PLXNA2: variants seen among roughly 807,000 people sequenced by gnomAD.
PLXNA2 encodes the protein plexin-A2.
In PLXNA2, 91 loss-of-function variants were observed where a neutral mutation model predicts 193.5. The ratio of observed to expected loss-of-function variants is 0.47; its 90% CI spans 0.40 to 0.56. The LOEUF is 0.56. PLXNA2 is among the 20% of genes least tolerant of loss of function. The pLI, the probability that PLXNA2 is intolerant of heterozygous loss-of-function variation, is 0.00. For synonymous variants in PLXNA2, 997 were observed against 1,027.3 expected (o/e 0.97, Z 0.56); for missense variants, 1,995 against 2,503.2 (o/e 0.80, Z 4.33).
chr1:208,175,551 T>C (rs773463891), intron 3 of PLXNA2, among the ~76,000 whole-genome samples: 2 of 122,932 alleles, frequency 1.6e-5, no homozygotes, highest in Non-Finnish European at 3.4e-5. Context: ...TCTCTTAGGG[T>C]AAAGGAGACC....
At chr1:208,141,096 G>C (rs1668444234) in intron 4 of PLXNA2, among the ~76,000 whole-genome samples, 1 of 152,332 alleles carries the variant, frequency 6.6e-6, no homozygotes, top group East Asian at 1.9e-4. Flanking sequence ...CATGAAAGAA[G>C]GTGAAAAAGA....
At chr1:208,189,645 G>A (rs908873284) in intron 3 of PLXNA2, among the ~76,000 whole-genome samples, 4 of 152,134 alleles carry the variant, frequency 2.6e-5, no homozygotes, top group Admixed American at 2.6e-4. Context: ...TTGGAGCAAC[G>A]CTGCAAGGTA....
At chr1:208,103,646 C>T (rs1294965700) in intron 4 of PLXNA2, among the ~76,000 whole-genome samples, 1 of 152,216 alleles carries the variant, frequency 6.6e-6, no homozygotes, top group East Asian at 1.9e-4. Flanking sequence ...GACATCCTGC[C>T]TACACAGAAA....
intron 4 of PLXNA2, among the ~76,000 whole-genome samples, chr1:208,141,567 A>G (rs1450213846): frequency 2.6e-5 from 4 of 152,136 alleles, no homozygotes; most frequent in African/African-American, 4.8e-5. Flanking sequence ...GCTGCTGAAC[A>G]ACTATTAACC....
intron 10 of PLXNA2, among the ~76,000 whole-genome samples, chr1:208,083,514 C>T (rs1186841304): frequency 3.3e-5 from 5 of 151,884 alleles, no homozygotes; most frequent in African/African-American, 4.8e-5. Context: ...TTGCGCTTGG[C>T]GGCCTTCCAC....
chr1:208,103,638 C>T (rs1209206689), intron 4 of PLXNA2, among the ~76,000 whole-genome samples: 1 of 152,202 alleles, frequency 6.6e-6, no homozygotes, highest in Non-Finnish European at 1.5e-5. Context: ...TGGGCTGAGA[C>T]ATCCTGCCTA....
intron 6 of PLXNA2, 85 bp downstream of exon 6, chr1:208,098,761 T>C (rs1666998261): frequency 2.7e-6 from 4 of 1,466,038 alleles, no homozygotes; most frequent in Non-Finnish European, 3.7e-6. Flanking sequence ...AATTTACAGA[T>C]ACTTGTGCAA....
chr1:208,084,500 A>T lies in PLXNA2; in HGVS notation c.2178T>A (p.Asn726Lys). ...EVKPITLKAR[N>K]LPQPQSGQRG... ...GCTGGCCGGACTGCGGCTGGGGCAGATTTCGCGCCTTAAGGGTGATTGGCT... is the reference window on the plus strand; with the variant it reads ...GCTGGCCGGACTGCGGCTGGGGCAGTTTTCGCGCCTTAAGGGTGATTGGCT... Residue 726 changes from asparagine to lysine, a missense_variant, in exon 10 of 32, where the codon AAT becomes AAA. Around this residue, in one of 3 missense-constraint regions of PLXNA2, gnomAD observed 1,291 missense variants for 1,673.6 expected, o/e 0.77. Transcript: ENST00000367033. The T allele has an allele frequency of 6.2e-7, 1 of 1,614,208 alleles. No homozygotes were observed. Among genetic ancestry groups the T allele is most frequent in the Non-Finnish European group, 8.5e-7 (1 of 1,180,020 alleles).
At position 208,096,791 on chromosome 1, in the gene PLXNA2, C is replaced by T. The variant is rs774408932; in HGVS notation, c.1824G>A (p.Gly608=). 42 of 1,613,956 alleles carry T rather than the reference C, an allele frequency of 2.6e-5. No homozygotes were observed. Among genetic ancestry groups the T allele is most frequent in the Non-Finnish European group, 2.2e-5 (26 of 1,180,014 alleles). The change falls in exon 7 of 32, where the codon GGG becomes GGA. Residue 608 remains glycine (G), a synonymous_variant. Transcript: ENST00000367033. ...NLTEVEGQVS[G]SQVICISPGP... ...CAGGTGAGATGCAGATGACCTGGCT[C>T]CCGGACACCTGCCCCTCCACCTCTG... is the stretch of plus-strand genomic sequence containing the variant.
chr1:208,198,710 C>T (rs1395742226), intron 3 of PLXNA2, among the ~76,000 whole-genome samples: 5 of 152,210 alleles, frequency 3.3e-5, no homozygotes, highest in African/African-American at 9.6e-5. Flanking sequence ...CCTCTTCTCT[C>T]GTGCATCTTC....
chr1:208,044,859 C>T lies in PLXNA2; in HGVS notation c.3640-117G>A. The stretch of plus-strand genomic sequence containing the variant: ...GACAGACCACAACCACACAGTGCAG[C>T]TCTAGATAAAAAGCAATTTCCTGCC... On this transcript the variant is annotated intron_variant, in intron 19 of 31. Coordinates refer to ENST00000367033, the MANE Select transcript of PLXNA2 (RefSeq NM_025179.4). This position sits in a 1 kb window ranked among gnomAD's most constrained non-coding sequence, Gnocchi z 4.9. 1.0e-6 allele frequency: 1 copy of T among 995,912 alleles called. No homozygotes were observed. The highest frequency in any genetic ancestry group is 2.6e-5 in the East Asian group (1 of 38,590). 61.7% of individuals were successfully genotyped at this position (995,912 alleles called of 1,614,324 possible). A position where few individuals can be genotyped will look rare whatever the true frequency, so the allele number is the denominator to read the frequency against.
In PLXNA2 at chr1:208,096,865, C is replaced by A; in HGVS notation, c.1750G>T (p.Asp584Tyr). ...ATACCCGCAGATAGATCAGGAGCAT[C>A]ACTCACTACCAGGCTAAGCTGTGGG... ...HSRLLSLVVS[D>Y]APDLSAGIAC... The change falls in exon 7 of 32, where the codon GAT becomes TAT. Residue 584 changes from aspartate (D) to tyrosine (Y), a missense_variant. By Grantham distance (160) the Asp-to-Tyr change is radical. Transcript: ENST00000367033. 3.7e-6 allele frequency: 6 copies of A among 1,613,826 alleles called. No homozygotes were observed. Among genetic ancestry groups the A allele is most frequent in the Non-Finnish European group, 5.1e-6 (6 of 1,179,978 alleles).
intron 3 of PLXNA2, among the ~76,000 whole-genome samples, chr1:208,200,765 A>T (rs566337014): frequency 1.4e-5 from 2 of 145,060 alleles, no homozygotes; most frequent in South Asian, 2.2e-4. Flanking sequence ...GGCCCAGCTA[A>T]TTTTTTTTTT....
At chr1:208,238,563 A>G (rs1671941210) in intron 1 of PLXNA2, among the ~76,000 whole-genome samples, 1 of 152,166 alleles carries the variant, frequency 6.6e-6, no homozygotes, top group African/African-American at 2.4e-5. Flanking sequence ...GGCAGTTATT[A>G]TCTCCTTAGA....
At chr1:208,199,374 G>T (rs916277458) in intron 3 of PLXNA2, among the ~76,000 whole-genome samples, 16 of 152,174 alleles carry the variant, frequency 1.1e-4, no homozygotes, top group Non-Finnish European at 1.5e-5. Context: ...AGAGGCCGAG[G>T]TCAGTCTGAT....
At chr1:208,219,988 A>G (rs1671270380) in intron 1 of PLXNA2, among the ~76,000 whole-genome samples, 1 of 152,238 alleles carries the variant, frequency 6.6e-6, no homozygotes, top group Non-Finnish European at 1.5e-5. Context: ...GTGGAAAGGA[A>G]ATAACAGAAT....
chr1:208,042,446 G>A, intron 21 of PLXNA2, 80 bp from the exon 22 acceptor site: 1 of 1,482,792 alleles, frequency 6.7e-7, no homozygotes, highest in Non-Finnish European at 9.2e-7. Context: ...CTGAGGGCCT[G>A]CTGGCGATGA....
In PLXNA2 at chr1:208,218,548, T is replaced by C. The variant is rs1000729634; in HGVS notation, c.-80-546A>G. On this transcript the variant is annotated intron_variant, in intron 1 of 31. Coordinates refer to ENST00000367033, the MANE Select transcript of PLXNA2 (RefSeq NM_025179.4). ...TGCATCTCTTCACTTTCTCATGCTC[T>C]GTTATCCACAGAGAGGCAAGGAGCT... is the stretch of plus-strand genomic sequence containing the variant. Among the ~76,000 whole-genome samples, 7 of 152,354 alleles carry C rather than the reference T, an allele frequency of 4.6e-5. No individual in the cohort carries two copies. In the East Asian group the frequency reaches 1.3e-3, roughly 29 times the overall value.
chr1:208,166,308 G>A (rs1015133905), intron 3 of PLXNA2, among the ~76,000 whole-genome samples: 3 of 152,184 alleles, frequency 2.0e-5, no homozygotes, highest in African/African-American at 7.2e-5. Flanking sequence ...AGGCTGGCTT[G>A]GACCTAAGGC....
Sources: gnomAD v4.1 joint callset for allele counts (sites outside exome capture counted in the v4.1 genomes callset) on GRCh38, gnomAD v4.1.1 for gene constraint, gnomAD v4.1.1 regional missense constraint, Gnocchi (gnomAD v3.1) non-coding constraint, MANE v1.5 for transcripts, NCBI Gene and HGNC (gene_info 2026-07-23, HGNC 2026-07-21) for gene names.